Variants in WIPF3 observed in about 807,000 individuals in gnomAD.
The protein encoded by WIPF3 is WAS/WASL-interacting protein family member 3.
Under a neutral mutation model 38.9 loss-of-function variants are expected in WIPF3, and 33 were observed. The ratio of observed to expected loss-of-function variants is 0.85; its 90% CI spans 0.64 to 1.14. The LOEUF (loss-of-function observed/expected upper bound fraction) is 1.14. Among genes scored for constraint, WIPF3 ranks in the 50% most tolerant of loss-of-function variants. The pLI is 0.00. For synonymous variants in WIPF3, 324 were observed against 269.3 expected (o/e 1.20, Z -1.99); for missense variants, 711 against 652.5 (o/e 1.09, Z -0.98).
At chr7:29,867,106 C>T (rs1197804310) in intron 2 of WIPF3, among the ~76,000 whole-genome samples, 1 of 152,206 alleles carries the variant, frequency 6.6e-6, no homozygotes, top group Non-Finnish European at 1.5e-5. Flanking sequence ...ATACAAATGC[C>T]TTCCCATTTC....
chr7:29,823,584 G>T lies in WIPF3; in HGVS notation c.-57-11084G>T, dbSNP rs1784572662. Among the ~76,000 whole-genome samples, 1 of 152,120 alleles carries T rather than the reference G, an allele frequency of 6.6e-6. No individual in the cohort carries two copies. The highest frequency in any genetic ancestry group is 6.6e-5 in the Admixed American group (1 of 15,258). ...CCTGATTCCTTGTTTATATGCCATT[G>T]CCTTGATACAAAAATATCTTGATAC... On this transcript the variant is annotated intron_variant, in intron 1 of 8. Transcript: ENST00000242140. The surrounding 1 kb of genome is among the most constrained non-coding windows in gnomAD (Gnocchi z 4.0).
intron 2 of WIPF3, among the ~76,000 whole-genome samples, chr7:29,869,787 C>G (rs1040516489): frequency 3.9e-5 from 6 of 152,142 alleles, no homozygotes; most frequent in Admixed American, 3.9e-4. Context: ...AAAATTAGTA[C>G]TACAATATAT....
At chr7:29,888,550 T>A (rs537593443) in intron 6 of WIPF3, among the ~76,000 whole-genome samples, 7 of 151,618 alleles carry the variant, frequency 4.6e-5, no homozygotes, top group Non-Finnish European at 8.8e-5. Context: ...GAGAAATCAA[T>A]GCATAAGCCT....
chr7:29,897,799 T>A (rs1369604033), intron 7 of WIPF3, among the ~76,000 whole-genome samples: 1 of 152,218 alleles, frequency 6.6e-6, no homozygotes, highest in African/African-American at 2.4e-5. Context: ...TCTGCCCTGA[T>A]GAGCTTTCCT....
At chr7:29,855,149 TA>T (rs1438996791) in intron 2 of WIPF3, among the ~76,000 whole-genome samples, 2 of 152,192 alleles carry the variant, frequency 1.3e-5, no homozygotes. Flanking sequence ...GAAAGGCTTT[TA>T]GGGGTAAACG....
chr7:29,892,373 T>C (rs1030689971), intron 7 of WIPF3, among the ~76,000 whole-genome samples: 3 of 152,212 alleles, frequency 2.0e-5, no homozygotes, highest in South Asian at 4.1e-4. Context: ...CATGAACCTA[T>C]GGAGACAAGG....
At chr7:29,888,847 A>G (rs2240382) in intron 6 of WIPF3, among the ~76,000 whole-genome samples, 29,138 of 151,948 alleles carry the variant, frequency 0.19, 2,949 homozygotes, top group African/African-American at 0.25. Context: ...CACCCTAGAC[A>G]CAGGCCATGC....
At chr7:29,818,578 A>C (rs554969692) in intron 1 of WIPF3, among the ~76,000 whole-genome samples, 108 of 149,500 alleles carry the variant, frequency 7.2e-4, no homozygotes, top group African/African-American at 2.3e-3. Flanking sequence ...AATTATATAA[A>C]ATTAAGATAA....
intron 1 of WIPF3, among the ~76,000 whole-genome samples, chr7:29,817,044 A>G (rs1016805410): frequency 5.3e-5 from 8 of 152,170 alleles, no homozygotes; most frequent in African/African-American, 1.2e-4. Flanking sequence ...ATCTTTGCCA[A>G]TTTGATAGGT....
At chr7:29,875,735 G>A (rs538460598) in intron 2 of WIPF3, 95 bp from the exon 3 acceptor site, 2 of 1,522,182 alleles carry the variant, frequency 1.3e-6, no homozygotes, top group East Asian at 4.6e-5. Context: ...GGACGGGGAA[G>A]ACAGAGAACT....
chr7:29,905,329 A>G (rs1786373454), intron 8 of WIPF3: 3 of 152,232 alleles, frequency 2.0e-5, no homozygotes, highest in Non-Finnish European at 4.4e-5. Flanking sequence ...AGACAGGAAG[A>G]ATATACACAA....
intron 2 of WIPF3, among the ~76,000 whole-genome samples, chr7:29,851,449 C>T (rs1311028337): frequency 6.6e-6 from 1 of 152,160 alleles, no homozygotes; most frequent in South Asian, 2.1e-4. Flanking sequence ...CTGGGAAAAA[C>T]CCTGGCTGCT....
At chr7:29,860,201 A>G (rs1785251483) in intron 2 of WIPF3, among the ~76,000 whole-genome samples, 1 of 152,226 alleles carries the variant, frequency 6.6e-6, no homozygotes, top group Admixed American at 6.5e-5. Context: ...TCCCATTAGA[A>G]GACCATTTAA....
intron 1 of WIPF3, among the ~76,000 whole-genome samples, chr7:29,820,930 A>G (rs1784528284): frequency 6.6e-6 from 1 of 151,936 alleles, no homozygotes; most frequent in Non-Finnish European, 1.5e-5. Context: ...ACATTTTTCC[A>G]TTTTGCCATG....
chr7:29,906,347 AG>A (rs1021281278), intron 8 of WIPF3, among the ~76,000 whole-genome samples: 1 of 152,210 alleles, frequency 6.6e-6, no homozygotes, highest in Non-Finnish European at 1.5e-5. Flanking sequence ...ATCAATAAAG[AG>A]GAAAAAAACA....
At chr7:29,904,478 T>A in intron 8 of WIPF3, 116 bp downstream of exon 8, 5 of 1,086,312 alleles carry the variant, frequency 4.6e-6, no homozygotes, top group Non-Finnish European at 6.8e-6. Context: ...ACACTCCTTT[T>A]CCTCAGGGAA....
At chr7:29,902,268 C>CTTTTTTT (rs1267369053) in intron 7 of WIPF3, among the ~76,000 whole-genome samples, 12 of 117,296 alleles carry the variant, frequency 1.0e-4, no homozygotes, top group Admixed American at 1.9e-4. Context: ...TCTTCTTCTT[C>CTTTTTTT]TTCTTCTTTT....
At chr7:29,896,088 T>C (rs940894291) in intron 7 of WIPF3, among the ~76,000 whole-genome samples, 2 of 152,094 alleles carry the variant, frequency 1.3e-5, no homozygotes, top group East Asian at 1.9e-4. Context: ...TGAGTACTGA[T>C]GGATGCAAGG....
intron 2 of WIPF3, among the ~76,000 whole-genome samples, chr7:29,866,686 C>T (rs1230090176): frequency 6.6e-6 from 1 of 152,256 alleles, no homozygotes; most frequent in Non-Finnish European, 1.5e-5. Flanking sequence ...GCTCCTTTGG[C>T]CCCAGCCTTC....
Sources: gnomAD v4.1 joint callset for allele counts (sites outside exome capture counted in the v4.1 genomes callset) on GRCh38, gnomAD v4.1.1 for gene constraint, Gnocchi (gnomAD v3.1) non-coding constraint, MANE v1.5 for transcripts, NCBI Gene and HGNC (gene_info 2026-07-23, HGNC 2026-07-21) for gene names.